PRKCA: variants seen among roughly 807,000 people sequenced by gnomAD.
The protein encoded by PRKCA is protein kinase C alpha type.
PRKCA carries 27 observed loss-of-function variants against 87.0 expected under a neutral mutation model. The ratio of observed to expected loss-of-function variants is 0.31; its 90% confidence interval spans 0.23 to 0.43. The LOEUF (loss-of-function observed/expected upper bound fraction) is 0.43. Ranked by LOEUF, PRKCA falls within the 20% of genes least tolerant of loss-of-function variation. The probability of loss-of-function intolerance (pLI) is 1.00; values close to 1 mark genes in which losing one functional copy is unlikely to be tolerated. For missense variants in PRKCA, 518 were observed against 852.3 expected (o/e 0.61, Z 4.88); for synonymous variants, 329 against 311.1 (o/e 1.06, Z -0.61).
At chr17:66,573,041 T>A (rs1314103372) in intron 3 of PRKCA, among the ~76,000 whole-genome samples, 1 of 152,192 alleles carries the variant, frequency 6.6e-6, no homozygotes, top group Non-Finnish European at 1.5e-5. Context: ...TTGTAAGAGC[T>A]GCGTTCTGTC....
At chr17:66,641,685 C>T (rs1348343776) in intron 4 of PRKCA, among the ~76,000 whole-genome samples, 3 of 150,924 alleles carry the variant, frequency 2.0e-5, no homozygotes, top group Non-Finnish European at 4.4e-5. Context: ...AAAAAGCACT[C>T]GATTTATAAA....
At chr17:66,691,745 G>A (rs1011254887) in intron 8 of PRKCA, among the ~76,000 whole-genome samples, 6 of 149,898 alleles carry the variant, frequency 4.0e-5, no homozygotes, top group African/African-American at 1.2e-4. Flanking sequence ...TGTTGATCAC[G>A]AGCAGTCACT....
intron 3 of PRKCA, among the ~76,000 whole-genome samples, chr17:66,530,332 T>A (rs954925961): frequency 6.6e-6 from 1 of 152,218 alleles, no homozygotes; most frequent in Non-Finnish European, 1.5e-5. Flanking sequence ...CATACATGGA[T>A]GGCAGAATAA....
At chr17:66,460,663 T>C (rs1914803885) in intron 2 of PRKCA, among the ~76,000 whole-genome samples, 2 of 152,214 alleles carry the variant, frequency 1.3e-5, no homozygotes, top group South Asian at 4.1e-4. Context: ...TGAATGTTGC[T>C]GGGTTTTGTG....
chr17:66,571,817 G>T (rs1969086694), intron 3 of PRKCA, among the ~76,000 whole-genome samples: 4 of 152,280 alleles, frequency 2.6e-5, no homozygotes. Context: ...GTAGAAAAAT[G>T]GGTGGTAGAT....
chr17:66,521,841 C>G (rs1293035723), intron 3 of PRKCA, among the ~76,000 whole-genome samples: 1 of 152,098 alleles, frequency 6.6e-6, no homozygotes, highest in Non-Finnish European at 1.5e-5. Flanking sequence ...TTTCTTGACT[C>G]CTTGAAAGGC....
intron 3 of PRKCA, among the ~76,000 whole-genome samples, chr17:66,517,089 T>C (rs1393938961): frequency 6.6e-6 from 1 of 152,010 alleles, no homozygotes. Context: ...ATCGAGACCA[T>C]CCTGGCCAAC....
intron 2 of PRKCA, among the ~76,000 whole-genome samples, chr17:66,395,336 A>C (rs1910601298): frequency 6.6e-6 from 1 of 152,240 alleles, no homozygotes; most frequent in Non-Finnish European, 1.5e-5. Flanking sequence ...AGAGTGAGGG[A>C]AACTAACTTA....
intron 14 of PRKCA, 161 bp downstream of exon 14, chr17:66,774,228 G>A (rs1974999437): frequency 6.7e-7 from 1 of 1,490,388 alleles, no homozygotes; most frequent in Admixed American, 2.1e-5. Context: ...CCTTCAAAGT[G>A]GATCACGTTC....
intron 16 of PRKCA, chr17:66,796,789 A>T (rs1157541952): frequency 1.0e-6 from 1 of 985,234 alleles, no homozygotes; most frequent in Non-Finnish European, 1.2e-6. Flanking sequence ...GATGGTGGCG[A>T]TGCGGTTGCT....
chr17:66,503,986 A>T (rs1449980331), intron 3 of PRKCA, among the ~76,000 whole-genome samples: 4 of 152,192 alleles, frequency 2.6e-5, no homozygotes, highest in African/African-American at 9.6e-5. Context: ...AAAAAGTTGC[A>T]TTTAAAATTC....
intron 2 of PRKCA, among the ~76,000 whole-genome samples, chr17:66,329,001 T>C (rs1485666836): frequency 6.6e-6 from 1 of 152,152 alleles, no homozygotes; most frequent in Non-Finnish European, 1.5e-5. Context: ...GTGGCCTGAT[T>C]AGTGTCTCCT....
intron 2 of PRKCA, among the ~76,000 whole-genome samples, chr17:66,440,118 C>T (rs1193546398): frequency 3.3e-5 from 5 of 152,140 alleles, no homozygotes; most frequent in African/African-American, 7.2e-5. Context: ...TATGAAATGC[C>T]AGAAACACCA....
intron 3 of PRKCA, among the ~76,000 whole-genome samples, chr17:66,581,398 A>G (rs528014124): frequency 6.6e-5 from 10 of 152,352 alleles, no homozygotes; most frequent in African/African-American, 2.4e-4. Context: ...TTCACTTGTC[A>G]CAAAATATTA....
In PRKCA at chr17:66,314,873, ATATG is replaced by A. The variant is rs1368088748; in HGVS notation, c.205+8748_205+8751del. Among the ~76,000 whole-genome samples the A allele has an allele frequency of 5.7e-4, 62 of 108,788 alleles. No individual in the cohort carries two copies. In the South Asian group the frequency reaches 0.013, roughly 24 times the overall value. 71.4% of individuals were successfully genotyped at this position (108,788 alleles called of 152,430 possible). On this transcript the variant is annotated intron_variant, in intron 2 of 16. Transcript: ENST00000413366. ...TCTCTCTCTCTCTCTAGATATATAT[ATATG>A]TGTGTGTGTGTGTGTGTGTGTGTGT...
rs141134944 is a variant in PRKCA at position 66,397,232 on chromosome 17, T to C, written c.205+91105T>C. Among the ~76,000 whole-genome samples, 51 of 148,520 alleles carry C rather than the reference T, an allele frequency of 3.4e-4. No individual in the cohort carries two copies. In the East Asian group the frequency reaches 9.7e-3, roughly 28 times the overall value. On this transcript the variant is annotated intron_variant, in intron 2 of 16. Coordinates refer to ENST00000413366, the MANE Select transcript of PRKCA (RefSeq NM_002737.3). Reference sequence around the variant, plus strand: ...CACCTCCCTCAGCCTCCCAAAGTGCTGGGATTACAGGCATGAGCCAGCATG... The same window carrying C: ...CACCTCCCTCAGCCTCCCAAAGTGCCGGGATTACAGGCATGAGCCAGCATG...
At chr17:66,304,466 A>C (rs1318467983) in intron 1 of PRKCA, among the ~76,000 whole-genome samples, 2 of 152,144 alleles carry the variant, frequency 1.3e-5, no homozygotes, top group Admixed American at 6.5e-5. Flanking sequence ...AGACAGAGCT[A>C]TGGCTAGGGC....
At chr17:66,354,920 T>C (rs116238037) in intron 2 of PRKCA, among the ~76,000 whole-genome samples, 2,093 of 152,338 alleles carry the variant, frequency 0.014, 55 homozygotes, top group African/African-American at 0.048. Context: ...TTTACTGTTA[T>C]TGATGGTTAT....
intron 2 of PRKCA, among the ~76,000 whole-genome samples, chr17:66,447,376 C>A (rs1914086576): frequency 6.6e-6 from 1 of 152,144 alleles, no homozygotes; most frequent in African/African-American, 2.4e-5. Context: ...GCCGGAGACT[C>A]ATGGGGAGTC....
Sources: allele counts gnomAD v4.1 joint callset (sites outside exome capture counted in the v4.1 genomes callset), GRCh38; gene constraint gnomAD v4.1.1; transcripts MANE v1.5; gene names NCBI Gene and HGNC (gene_info 2026-07-23, HGNC 2026-07-21).